The following LUC7L variants were observed in gnomAD, a reference collection of about 807,000 sequenced individuals.
LUC7L encodes the protein LUC7 like.
Under a neutral mutation model 51.1 loss-of-function variants are expected in LUC7L, and 29 were observed. The ratio of observed to expected loss-of-function variants is 0.57; its 90% CI spans 0.42 to 0.77. The LOEUF is 0.77. Among genes scored for constraint, LUC7L ranks in the 30% least tolerant of loss-of-function variants. LUC7L has a pLI of 0.00. For missense variants in LUC7L, 403 were observed against 511.9 expected (o/e 0.79, Z 2.05); for synonymous variants, 181 against 180.7 (o/e 1.00, Z -0.01).
chr16:223,042 TG>T (rs1012694492), intron 2 of LUC7L, among the ~76,000 whole-genome samples: 1 of 151,168 alleles, frequency 6.6e-6, no homozygotes, highest in Non-Finnish European at 1.5e-5. Context: ...GTCTGACTCT[TG>T]GGATGCAGTC....
intron 5 of LUC7L, among the ~76,000 whole-genome samples, chr16:201,654 T>G (rs1171239857): frequency 6.6e-6 from 1 of 151,608 alleles, no homozygotes; most frequent in African/African-American, 2.4e-5. Flanking sequence ...TTAGCCAGGA[T>G]GGTCTCGATC....
chr16:218,589 C>T (rs1190532288), intron 3 of LUC7L, among the ~76,000 whole-genome samples: 3 of 151,880 alleles, frequency 2.0e-5, no homozygotes, highest in African/African-American at 7.3e-5. Flanking sequence ...GGTGTGGTGG[C>T]GGGCACTTCT....
At chr16:228,045 TA>T (rs1333860648) in intron 1 of LUC7L, 1 of 1,137,288 alleles carries the variant, frequency 8.8e-7, no homozygotes, top group Non-Finnish European at 1.1e-6. Flanking sequence ...TGAAAAGTGT[TA>T]AAGGAAAAGT....
intron 3 of LUC7L, among the ~76,000 whole-genome samples, chr16:213,115 T>G (rs1190692365): frequency 6.6e-6 from 1 of 152,184 alleles, no homozygotes; most frequent in Non-Finnish European, 1.5e-5. Flanking sequence ...GTTTGACAGT[T>G]TACAAGTTGA....
chr16:214,935 G>T (rs932022441), intron 3 of LUC7L, among the ~76,000 whole-genome samples: 4 of 152,206 alleles, frequency 2.6e-5, no homozygotes, highest in Non-Finnish European at 5.9e-5. Context: ...GCCAGGCATG[G>T]TGGCTTGTGA....
intron 1 of LUC7L, chr16:228,496 G>A (rs891439667): frequency 8.1e-6 from 10 of 1,235,472 alleles, no homozygotes; most frequent in African/African-American, 6.4e-5. Flanking sequence ...TACAAAGAAA[G>A]CTAAAAAGCA....
intron 3 of LUC7L, among the ~76,000 whole-genome samples, chr16:212,310 GA>G (rs1251098215): frequency 1.3e-5 from 2 of 152,038 alleles, no homozygotes; most frequent in African/African-American, 4.8e-5. Flanking sequence ...CACAGCCGCA[GA>G]GGAGCTCGTC....
chr16:223,131 G>A lies in LUC7L; in HGVS notation c.157-2384C>T, dbSNP rs558428488. 4.5e-3 allele frequency among the ~76,000 whole-genome samples: 688 copies of A among 151,270 alleles called. 2 individuals carry two copies. The highest frequency in any genetic ancestry group is 7.6e-3 in the Non-Finnish European group (515 of 67,786). ...TCCCAGCACTTTGGGAGGCCGAGGC[G>A]GGCGGATCACGAGGTCAGGAGATCA... is the stretch of plus-strand genomic sequence containing the variant. On this transcript the variant is annotated intron_variant, in intron 2 of 9. Transcript: ENST00000293872.
At chr16:190,479 A>AT in intron 8 of LUC7L, 62 bp downstream of exon 8, 1 of 1,520,880 alleles carries the variant, frequency 6.6e-7, no homozygotes, top group East Asian at 2.3e-5. Flanking sequence ...ATCATTAAAT[A>AT]TTAAGAAAAA....
At chr16:217,599 C>T (rs191659408) in intron 3 of LUC7L, among the ~76,000 whole-genome samples, 2 of 151,490 alleles carry the variant, frequency 1.3e-5, no homozygotes, top group African/African-American at 4.8e-5. Context: ...CCCAGCTACT[C>T]AGGAGGCTGA....
At position 229,284 on chromosome 16, in the gene LUC7L, C is replaced by G; in HGVS notation, c.56G>C (p.Arg19Pro). Residue 19 changes from arginine (R) to proline (P), a missense_variant, in exon 1 of 10, where the codon CGG becomes CCG. By Grantham distance (103) the Arg-to-Pro change is moderately radical (BLOSUM62 -2). Transcript: ENST00000293872. ...GGTTGGCCGCTCTGACTCACCGTCC[C>G]GAGCCGTGCCCATGAGCTGGTCCAG... The part of the protein sequence containing the change: ...ALLDQLMGTA[R>P]DGDETRQRVK... 1 of 1,538,502 alleles carries G rather than the reference C, an allele frequency of 6.5e-7. No individual in the cohort carries two copies. The highest frequency in any genetic ancestry group is 8.7e-7 in the Non-Finnish European group (1 of 1,149,922).
rs201741091 is a variant in LUC7L, at chr16:190,130, C to G, written c.812G>C (p.Arg271Pro). ...GSRTRDRRRS[R>P]SRDRRRRRSR... The stretch of plus-strand genomic sequence containing the variant: ...CCGCCTCCGACGCCGATCCCGGGAG[C>G]GTGACCTGAACAATCAGAAGGCTCC... The change falls in exon 9 of 10, where the codon CGC (arginine) becomes CCC (proline). Residue 271 changes from arginine to proline, a missense_variant. Coordinates refer to ENST00000293872, the MANE Select transcript of LUC7L (RefSeq NM_201412.3). 1.2e-6 allele frequency: 2 copies of G among 1,609,850 alleles called. No homozygotes were observed. The highest frequency in any genetic ancestry group is 1.7e-6 in the Non-Finnish European group (2 of 1,179,568).
At chr16:204,417 C>A (rs996176815) in intron 5 of LUC7L, among the ~76,000 whole-genome samples, 2 of 151,934 alleles carry the variant, frequency 1.3e-5, no homozygotes, top group Non-Finnish European at 1.5e-5. Flanking sequence ...CACAGTGAAA[C>A]CCCATCTCTA....
At position 189,192 on chromosome 16, in the gene LUC7L, A is replaced by G. The variant is rs757083818; in HGVS notation, c.*6T>C. On this transcript the variant is annotated 3_prime_UTR_variant, in exon 10 of 10. Coordinates refer to ENST00000293872, the MANE Select transcript of LUC7L (RefSeq NM_201412.3). ...TCAGACTATTTACAGCACCCGGGAG[A>G]CGGGTTCAGATCTCGCCGGCCTCCT... The G allele has an allele frequency of 6.2e-7, 1 of 1,611,402 alleles. No homozygotes were observed. The highest frequency in any genetic ancestry group is 1.1e-5 in the South Asian group (1 of 90,800).
intron 7 of LUC7L, among the ~76,000 whole-genome samples, chr16:192,589 T>C (rs763945120): frequency 6.7e-6 from 1 of 149,002 alleles, no homozygotes; most frequent in Non-Finnish European, 1.5e-5. Context: ...CTGCAACCTC[T>C]GCCTCCCGGG....
At chr16:225,798 C>CA (rs202030985) in intron 2 of LUC7L, among the ~76,000 whole-genome samples, 3,191 of 138,616 alleles carry the variant, frequency 0.023, 93 homozygotes, top group African/African-American at 0.078. Context: ...AATTCTGTCT[C>CA]AAAAAAAAAA....
intron 1 of LUC7L, chr16:228,848 G>A (rs1156948360): frequency 7.7e-6 from 10 of 1,296,682 alleles, no homozygotes; most frequent in Non-Finnish European, 1.0e-5. Flanking sequence ...AGCGGGCCAG[G>A]TTTTCGAGGC....
chr16:220,695 T>C lies in LUC7L; in HGVS notation c.209A>G (p.Asp70Gly). The part of the protein sequence containing the change: ...TKIHDLALRA[D>G]YEIASKERDL... Reference sequence around the variant, plus strand: ...TCTTTCTTTACTTGCAATCTCATAATCTGCTCGGAGGGCCAAGTCGTGGAT... The same window carrying C: ...TCTTTCTTTACTTGCAATCTCATAACCTGCTCGGAGGGCCAAGTCGTGGAT... The change falls in exon 3 of 10, where the codon GAT becomes GGT. Residue 70 changes from aspartate (D) to glycine (G), a missense_variant. Physicochemically the swap from Asp to Gly is moderately conservative, Grantham distance 94 (BLOSUM62 -1). Coordinates refer to ENST00000293872, the MANE Select transcript of LUC7L (RefSeq NM_201412.3). The C allele has an allele frequency of 6.2e-7, 1 of 1,614,154 alleles. No homozygotes were observed. Among genetic ancestry groups the C allele is most frequent in the Non-Finnish European group, 8.5e-7 (1 of 1,180,006 alleles).
intron 5 of LUC7L, 128 bp downstream of exon 5, chr16:205,876 A>G: frequency 3.6e-6 from 4 of 1,096,544 alleles, no homozygotes; most frequent in Non-Finnish European, 5.2e-6. Context: ...GGCGTGAGCC[A>G]CTGTGCTGGG....
Sources: gnomAD v4.1 joint callset for allele counts (sites outside exome capture counted in the v4.1 genomes callset) on GRCh38, gnomAD v4.1.1 for gene constraint, MANE v1.5 for transcripts, NCBI Gene and HGNC (gene_info 2026-07-23, HGNC 2026-07-21) for gene names.